DHX34: variants seen among roughly 807,000 people sequenced by gnomAD.
The protein encoded by DHX34 is DExH-box helicase 34, also known as probable ATP-dependent RNA helicase DHX34.
DHX34 carries 96 observed loss-of-function variants against 111.1 expected under a neutral mutation model. That is an observed-to-expected ratio of 0.86 (90% CI 0.73 to 1.02). The LOEUF (loss-of-function observed/expected upper bound fraction) is 1.02, where lower values mean the gene tolerates loss of function less well. DHX34 is among the 50% of genes least tolerant of loss of function. The probability of loss-of-function intolerance (pLI) is 0.00; values close to 1 mark genes in which losing one functional copy is unlikely to be tolerated. For missense variants in DHX34, 1,560 were observed against 1,579.9 expected (o/e 0.99, Z 0.21); for synonymous variants, 688 against 670.4 (o/e 1.03, Z -0.41).
At chr19:47,350,420 AT>A (rs113841688) in intron 1 of DHX34, among the ~76,000 whole-genome samples, 2,151 of 137,706 alleles carry the variant, frequency 0.016, 12 homozygotes, top group Middle Eastern at 0.059. Flanking sequence ...ACAAAAATGA[AT>A]TTTTTTTTTT....
intron 12 of DHX34, 38 bp downstream of exon 12, chr19:47,376,598 AT>A (rs1318461159): frequency 5.2e-6 from 8 of 1,544,788 alleles, no homozygotes; most frequent in Non-Finnish European, 7.0e-6. Flanking sequence ...CCCATCCGGG[AT>A]GTGAGGGGCA....
chr19:47,357,747 G>A (rs920673211), intron 3 of DHX34, 119 bp from the exon 4 acceptor site: 27 of 1,456,672 alleles, frequency 1.9e-5, no homozygotes, highest in Middle Eastern at 2.4e-4. Flanking sequence ...GCCTGGACCC[G>A]TTGCACTGTG....
chr19:47,378,205 T>C (rs570650590), intron 13 of DHX34, among the ~76,000 whole-genome samples: 14 of 152,256 alleles, frequency 9.2e-5, no homozygotes, highest in African/African-American at 3.1e-4. Flanking sequence ...GACACTGCGA[T>C]TGCCACCAAC....
chr19:47,372,747 G>C lies in DHX34; in HGVS notation c.1786G>C (p.Gly596Arg), dbSNP rs1970004285. The C allele has an allele frequency of 6.2e-7, 1 of 1,609,392 alleles. No individual in the cohort carries two copies. Among genetic ancestry groups the C allele is most frequent in the Non-Finnish European group, 8.5e-7 (1 of 1,178,122 alleles). The change falls in exon 8 of 17, where the codon GGC becomes CGC. Residue 596 changes from glycine (G) to arginine (R), a missense_variant. Physicochemically the swap from Gly to Arg is moderately radical, Grantham distance 125 (BLOSUM62 -2). Transcript: ENST00000328771. The part of the protein sequence containing the change: ...DVVIGKMLIL[G>R]SMFSLVEPVL... ...CGCTGCAGGGAAGATGCTGATCCTG[G>C]GCTCCATGTTCAGCCTGGTGGAGCC...
intron 10 of DHX34, 90 bp downstream of exon 10, chr19:47,375,798 C>T (rs1165020832): frequency 1.9e-6 from 3 of 1,551,684 alleles, no homozygotes; most frequent in African/African-American, 1.4e-5. Flanking sequence ...GCCCTGTCCT[C>T]ATTTCAGGAG....
In DHX34 at chr19:47,355,360, T is replaced by A; in HGVS notation, c.1017+10T>A. The A allele has an allele frequency of 1.2e-6, 2 of 1,606,004 alleles. No homozygotes were observed. Among genetic ancestry groups the A allele is most frequent in the Non-Finnish European group, 1.7e-6 (2 of 1,173,688 alleles). On this transcript the variant is annotated intron_variant, in intron 3 of 16. Coordinates refer to ENST00000328771, the MANE Select transcript of DHX34 (RefSeq NM_014681.6). ...GCTGTTCCCCATCACGGTGAGTACT[T>A]CCCCCTCCTCCCACATCCCCAGACC...
intron 16 of DHX34, chr19:47,381,761 CCTT>C (rs1970366265): frequency 1.3e-6 from 1 of 776,838 alleles, no homozygotes; most frequent in African/African-American, 1.9e-5. Flanking sequence ...CCATGTCTCT[CCTT>C]GTGTCTTTCT....
intron 13 of DHX34, among the ~76,000 whole-genome samples, chr19:47,379,175 G>A (rs1599778344): frequency 6.6e-6 from 1 of 151,608 alleles, no homozygotes; most frequent in African/African-American, 2.4e-5. Flanking sequence ...GAAGAAGATG[G>A]AGAAACTTCA....
At chr19:47,351,811 GT>G (rs1183876823) in intron 1 of DHX34, among the ~76,000 whole-genome samples, 1 of 152,102 alleles carries the variant, frequency 6.6e-6, no homozygotes, top group East Asian at 1.9e-4. Context: ...CCAGGTCTTT[GT>G]TACTTGCCTA....
Position 47,353,072 on chromosome 19 carries a change from C to A in DHX34, c.42C>A (p.Asp14Glu). The A allele has an allele frequency of 3.1e-6, 5 of 1,613,878 alleles. No individual in the cohort carries two copies. The highest frequency in any genetic ancestry group is 4.2e-6 in the Non-Finnish European group (5 of 1,179,794). ...PRTREGRDRR[D>E]HHRAPSEEEA... The stretch of plus-strand genomic sequence containing the variant: ...CAAGGGAGGGCAGGGATCGCCGAGA[C>A]CACCACCGGGCTCCCAGCGAGGAAG... The change falls in exon 2 of 17, where the codon GAC becomes GAA. Residue 14 changes from aspartate (D) to glutamate (E), a missense_variant. Physicochemically the swap from Asp to Glu is conservative, Grantham distance 45. Coordinates refer to ENST00000328771, the MANE Select transcript of DHX34 (RefSeq NM_014681.6). The surrounding 1 kb of genome is among the most constrained non-coding windows in gnomAD (Gnocchi z 4.6).
intron 10 of DHX34, 99 bp from the exon 11 acceptor site, chr19:47,375,825 G>T (rs1464172121): frequency 1.9e-6 from 3 of 1,544,182 alleles, no homozygotes; most frequent in African/African-American, 2.8e-5. Context: ...TTCCATGGAC[G>T]GTGCTTGGTC....
intron 9 of DHX34, among the ~76,000 whole-genome samples, chr19:47,374,424 C>G (rs1259060062): frequency 1.6e-5 from 2 of 127,420 alleles, no homozygotes; most frequent in African/African-American, 3.3e-5. Flanking sequence ...GCAACAAGAG[C>G]GAAACTCCAC....
In DHX34 at chr19:47,352,862, TATC is replaced by T; in HGVS notation, c.-165_-163del. 1 of 1,393,204 alleles carries T rather than the reference TATC, an allele frequency of 7.2e-7. No individual in the cohort carries two copies. Among genetic ancestry groups the T allele is most frequent in the Non-Finnish European group, 9.4e-7 (1 of 1,062,600 alleles). 86.3% of individuals were successfully genotyped at this position (1,393,204 alleles called of 1,614,324 possible). A position where few individuals can be genotyped will look rare whatever the true frequency, so the allele number is the denominator to read the frequency against. The stretch of plus-strand genomic sequence containing the variant: ...AGCTCAAGCAGGCCTCTGGCCACTT[TATC>T]ATCTGTGGTGGTCCTGTGCCGTGAC... On this transcript the variant is annotated 5_prime_UTR_variant, in exon 2 of 17. Coordinates refer to ENST00000328771, the MANE Select transcript of DHX34 (RefSeq NM_014681.6).
At chr19:47,380,238 G>C (rs985079935) in intron 14 of DHX34, among the ~76,000 whole-genome samples, 1 of 152,186 alleles carries the variant, frequency 6.6e-6, no homozygotes, top group Admixed American at 6.5e-5. Flanking sequence ...CCTTCTGCAA[G>C]CGTGGCTGAT....
Position 47,353,688 on chromosome 19 carries a change from C to T in DHX34, c.658C>T (p.Leu220=). The T allele has an allele frequency of 1.2e-6, 2 of 1,611,526 alleles. No homozygotes were observed. The highest frequency in any genetic ancestry group is 1.7e-6 in the Non-Finnish European group (2 of 1,179,012). The stretch of plus-strand genomic sequence containing the variant: ...GCCCCGGCGGATCGCCTGCATCTCA[C>T]TGGCCAAGCGTGTGGGCTTTGAGAG... ...TQPRRIACIS[L]AKRVGFESLS... is the part of the protein sequence containing the mutation. Residue 220 remains leucine (L), a synonymous_variant, in exon 2 of 17, where the codon CTG becomes TTG. Transcript: ENST00000328771. The surrounding 1 kb of genome is among the most constrained non-coding windows in gnomAD (Gnocchi z 4.6).
In DHX34 at chr19:47,375,697, G is replaced by A. The variant is rs1290417836; in HGVS notation, c.2296G>A (p.Val766Met). ...GPAPPGASDGVDIQDVKFKLR... is the reference protein window; with the variant it reads ...GPAPPGASDGMDIQDVKFKLR... Reference sequence around the variant, plus strand: ...AGCCCCCCCAGGGGCCAGTGATGGCGTGGACATCCAGGTGGGCGCCATGGG... The same window carrying A: ...AGCCCCCCCAGGGGCCAGTGATGGCATGGACATCCAGGTGGGCGCCATGGG... Residue 766 changes from valine (V) to methionine (M), a missense_variant, in exon 10 of 17, where the codon GTG (valine) becomes ATG (methionine). Coordinates refer to ENST00000328771, the MANE Select transcript of DHX34 (RefSeq NM_014681.6). The A allele has an allele frequency of 1.2e-5, 18 of 1,560,696 alleles. No individual in the cohort carries two copies. Among genetic ancestry groups the A allele is most frequent in the East Asian group, 4.7e-5 (2 of 42,616 alleles).
At position 47,381,237 on chromosome 19, in the gene DHX34, C is replaced by A; in HGVS notation, c.3211C>A (p.His1071Asn). The A allele has an allele frequency of 6.2e-7, 1 of 1,614,104 alleles. No homozygotes were observed. Among genetic ancestry groups the A allele is most frequent in the South Asian group, 1.1e-5 (1 of 91,090 alleles). Residue 1071 changes from histidine (H) to asparagine (N), a missense_variant, in exon 16 of 17, where the codon CAC becomes AAC. Transcript: ENST00000328771. ...TCTCCGAACCTTCTGGACCTGCCCCCACTGTGGCCTGCATGCGCCCCTCAC... is the reference window on the plus strand; with the variant it reads ...TCTCCGAACCTTCTGGACCTGCCCCAACTGTGGCCTGCATGCGCCCCTCAC... ...DCLRTFWTCP[H>N]CGLHAPLTPL... is the part of the protein sequence containing the mutation.
intron 16 of DHX34, chr19:47,381,775 C>G (rs920839206): frequency 1.2e-6 from 1 of 846,676 alleles, no homozygotes; most frequent in Non-Finnish European, 1.4e-6. Context: ...GTGTCTTTCT[C>G]TCTGTCTCTC....
chr19:47,373,866 C>T (rs1970049413), intron 9 of DHX34, among the ~76,000 whole-genome samples, 166 bp downstream of exon 9: 1 of 152,158 alleles, frequency 6.6e-6, no homozygotes, highest in South Asian at 2.1e-4. Flanking sequence ...CTGGGCAGAG[C>T]AAAGGGAGCA....
Sources: allele counts gnomAD v4.1 joint callset (sites outside exome capture counted in the v4.1 genomes callset), GRCh38; gene constraint gnomAD v4.1.1; non-coding constraint Gnocchi (gnomAD v3.1); transcripts MANE v1.5; gene names NCBI Gene and HGNC (gene_info 2026-07-23, HGNC 2026-07-21).